The following GRB14 variants were observed in gnomAD, a reference collection of about 807,000 sequenced individuals.
GRB14 encodes growth factor receptor bound protein 14.
A neutral mutation model predicts 69.1 loss-of-function variants in GRB14; 38 were observed. The ratio of observed to expected loss-of-function variants is 0.55; its 90% CI spans 0.42 to 0.72. The LOEUF is 0.72. Ranked by LOEUF, GRB14 falls within the 30% of genes least tolerant of loss-of-function variation. GRB14 has a pLI of 0.00. For synonymous variants in GRB14, 247 were observed against 241.3 expected (o/e 1.02, Z -0.22); for missense variants, 666 against 666.1 (o/e 1.00, Z 0.00).
intron 2 of GRB14, among the ~76,000 whole-genome samples, chr2:164,616,299 A>T (rs902307989): frequency 2.0e-5 from 3 of 151,834 alleles, no homozygotes; most frequent in East Asian, 1.9e-4. Flanking sequence ...GGTGGCAGGC[A>T]CCTCTAGTCC....
intron 2 of GRB14, among the ~76,000 whole-genome samples, chr2:164,610,626 T>C (rs1256391712): frequency 6.6e-6 from 1 of 152,026 alleles, no homozygotes; most frequent in Non-Finnish European, 1.5e-5. Flanking sequence ...TTAATGAAGA[T>C]GACTGAAAAT....
intron 6 of GRB14, among the ~76,000 whole-genome samples, chr2:164,510,706 C>T (rs1687317464): frequency 6.6e-6 from 1 of 152,148 alleles, no homozygotes; most frequent in South Asian, 2.1e-4. Context: ...TGAGCACTCA[C>T]AGTACCTGGT....
intron 2 of GRB14, among the ~76,000 whole-genome samples, chr2:164,571,880 C>G (rs79618018): frequency 1.2e-4 from 18 of 152,240 alleles, no homozygotes; most frequent in African/African-American, 4.3e-4. Context: ...TGTGTTTCCA[C>G]ATTTTATTAT....
chr2:164,504,279 G>A (rs1687133959), intron 8 of GRB14, among the ~76,000 whole-genome samples: 1 of 151,936 alleles, frequency 6.6e-6, no homozygotes, highest in African/African-American at 2.4e-5. Context: ...GGGCACTCTC[G>A]GTTTAGCCAA....
At chr2:164,571,689 C>T (rs1421978257) in intron 2 of GRB14, among the ~76,000 whole-genome samples, 2 of 152,142 alleles carry the variant, frequency 1.3e-5, no homozygotes, top group Admixed American at 6.6e-5. Context: ...CTATAAGGTA[C>T]TAGCTATTGA....
rs1329492354 is a variant in GRB14 at position 164,493,306 on chromosome 2, A to T, written c.1477-124T>A. 9.9e-6 allele frequency: 8 copies of T among 809,154 alleles called. No individual in the cohort carries two copies. In the African/African-American group the frequency reaches 1.4e-4, roughly 14 times the overall value. The allele number at this position is 809,154 out of a possible 1,614,324, so 50.1% of individuals were successfully genotyped here. A position where few individuals can be genotyped will look rare whatever the true frequency, so the allele number is the denominator to read the frequency against. ...GTTTATAAAACTAAAAGACAGTGAA[A>T]AGAATGTTACGGCATATCTACTTGT... On this transcript the variant is annotated intron_variant, in intron 13 of 13. Coordinates refer to ENST00000263915, the MANE Select transcript of GRB14 (RefSeq NM_004490.3).
intron 6 of GRB14, among the ~76,000 whole-genome samples, chr2:164,509,299 C>T (rs2105267490): frequency 6.6e-6 from 1 of 152,284 alleles, no homozygotes; most frequent in African/African-American, 2.4e-5. Flanking sequence ...ATGATTCCTG[C>T]TTCATTCACA....
chr2:164,494,311 T>C, intron 13 of GRB14, 120 bp downstream of exon 13: 1 of 626,184 alleles, frequency 1.6e-6, no homozygotes, highest in Non-Finnish European at 2.9e-6. Flanking sequence ...AGCTGCCAAA[T>C]TATATTTAAT....
At chr2:164,503,223 T>A (rs1480140728) in intron 8 of GRB14, among the ~76,000 whole-genome samples, 1 of 151,250 alleles carries the variant, frequency 6.6e-6, no homozygotes, top group Non-Finnish European at 1.5e-5. Flanking sequence ...AAACAGCCTT[T>A]TTTCCCCTAG....
intron 2 of GRB14, among the ~76,000 whole-genome samples, chr2:164,561,889 C>T (rs1688837900): frequency 1.3e-5 from 2 of 152,112 alleles, no homozygotes; most frequent in Non-Finnish European, 2.9e-5. Context: ...TTGCCCACTG[C>T]AGCAAGTTGG....
intron 6 of GRB14, among the ~76,000 whole-genome samples, chr2:164,509,897 G>T (rs144890350): frequency 6.6e-6 from 1 of 151,586 alleles, no homozygotes; most frequent in Admixed American, 6.6e-5. Flanking sequence ...GTCATTTACC[G>T]GTGTTATTCC....
At chr2:164,571,809 G>A (rs1689129990) in intron 2 of GRB14, among the ~76,000 whole-genome samples, 1 of 152,298 alleles carries the variant, frequency 6.6e-6, no homozygotes, top group East Asian at 1.9e-4. Context: ...TAGCCACTAA[G>A]CCAGGGAGAA....
At chr2:164,617,617 A>G (rs947618575) in intron 2 of GRB14, among the ~76,000 whole-genome samples, 2 of 151,994 alleles carry the variant, frequency 1.3e-5, no homozygotes, top group Non-Finnish European at 2.9e-5. Flanking sequence ...TTTCTATTCA[A>G]AACAAACCCT....
chr2:164,544,480 A>G (rs1000534013), intron 3 of GRB14, among the ~76,000 whole-genome samples: 1 of 152,222 alleles, frequency 6.6e-6, no homozygotes, highest in African/African-American at 2.4e-5. Context: ...GCTAATTAGG[A>G]GCTAAATGAA....
chr2:164,573,859 G>T (rs1045049086), intron 2 of GRB14: 5 of 1,612,844 alleles, frequency 3.1e-6, no homozygotes, highest in African/African-American at 2.7e-5. Flanking sequence ...TTGTAAATTT[G>T]ATTAGAAATG....
chr2:164,563,030 G>A (rs1023370722), intron 2 of GRB14, among the ~76,000 whole-genome samples: 4 of 152,130 alleles, frequency 2.6e-5, no homozygotes, highest in Middle Eastern at 3.2e-3. Context: ...TAGCAAGAAT[G>A]AGAACTCTGG....
chr2:164,546,442 C>T (rs1055355733), intron 3 of GRB14, among the ~76,000 whole-genome samples: 28 of 152,060 alleles, frequency 1.8e-4, no homozygotes, highest in Admixed American at 1.5e-3. Context: ...CAACAGAAAA[C>T]CAAAACCAAA....
intron 2 of GRB14, among the ~76,000 whole-genome samples, chr2:164,595,901 G>A (rs1259007058): frequency 1.1e-4 from 17 of 152,194 alleles, no homozygotes; most frequent in East Asian, 7.8e-4. Flanking sequence ...CAAGGCGGGC[G>A]AATGACAAGA....
chr2:164,523,436 A>G (rs891603228), intron 5 of GRB14, among the ~76,000 whole-genome samples: 1 of 152,054 alleles, frequency 6.6e-6, no homozygotes, highest in Non-Finnish European at 1.5e-5. Flanking sequence ...AAGAAAATAG[A>G]AATCCCTCTG....
Sources: gnomAD v4.1 joint callset for allele counts (sites outside exome capture counted in the v4.1 genomes callset) on GRCh38, gnomAD v4.1.1 for gene constraint, MANE v1.5 for transcripts, NCBI Gene and HGNC (gene_info 2026-07-23, HGNC 2026-07-21) for gene names.